VAV3: variants seen among roughly 807,000 people sequenced by gnomAD.
VAV3 encodes guanine nucleotide exchange factor VAV3.
A neutral mutation model predicts 131.2 loss-of-function variants in VAV3; 94 were observed. That is an observed-to-expected ratio of 0.72 (90% CI 0.61 to 0.85). VAV3 has a LOEUF of 0.85. VAV3 is among the 40% of genes least tolerant of loss of function. The pLI is 0.00. For synonymous variants in VAV3, 349 were observed against 342.0 expected (o/e 1.02, Z -0.22); for missense variants, 939 against 1,002.7 (o/e 0.94, Z 0.86).
rs530029913 is a variant in VAV3, at chr1:107,792,224, AT to A, written c.322-12733del. ...CACACTGCTAAAGCAAGTGTTGAGT[AT>A]TTTTTTTCTTACATTTTGCCAAAAT... On this transcript the variant is annotated intron_variant, in intron 2 of 26. Transcript: ENST00000370056. Among the ~76,000 whole-genome samples the A allele has an allele frequency of 2.0e-3, 297 of 152,196 alleles. 3 individuals are homozygous for A. Among genetic ancestry groups the A allele is most frequent in the African/African-American group, 6.7e-3 (277 of 41,532 alleles).
chr1:107,924,979 C>T (rs1028841805), intron 1 of VAV3, among the ~76,000 whole-genome samples: 3 of 151,998 alleles, frequency 2.0e-5, no homozygotes, highest in Non-Finnish European at 2.9e-5. Context: ...ATGGTCAAGG[C>T]AGTATATTTG....
intron 2 of VAV3, among the ~76,000 whole-genome samples, chr1:107,819,709 C>T (rs943754667): frequency 2.0e-5 from 3 of 151,984 alleles, no homozygotes; most frequent in Non-Finnish European, 2.9e-5. Context: ...AAAATATATA[C>T]ACCGCCAAAT....
In VAV3 at chr1:107,592,056, C is replaced by CGTGTGT. The variant is rs35290300; in HGVS notation, c.2350+4150_2350+4155dup. 1.7e-3 allele frequency among the ~76,000 whole-genome samples: 260 copies of CGTGTGT among 148,794 alleles called. 1 individual carries two copies. The highest frequency in any genetic ancestry group is 0.012 in the Admixed American group (177 of 14,938). On this transcript the variant is annotated intron_variant, in intron 25 of 26. Transcript: ENST00000370056. Reference sequence around the variant, plus strand: ...ATACACACACACATATATATACATACGTGTGTGTGTGTGTGTGTGTGTATG... The same window carrying CGTGTGT: ...ATACACACACACATATATATACATACGTGTGTGTGTGTGTGTGTGTGTGTGTGTATG...
chr1:107,850,993 T>G (rs1669192629), intron 2 of VAV3, among the ~76,000 whole-genome samples: 1 of 151,506 alleles, frequency 6.6e-6, no homozygotes, highest in Non-Finnish European at 1.5e-5. Context: ...GAATTCTAGG[T>G]GGCAATAAGC....
intron 14 of VAV3, among the ~76,000 whole-genome samples, 178 bp downstream of exon 14, chr1:107,749,284 G>T (rs931165341): frequency 6.6e-6 from 1 of 152,126 alleles, no homozygotes; most frequent in East Asian, 1.9e-4. Flanking sequence ...CATTAGAAAT[G>T]ATCAGATCTG....
intron 15 of VAV3, among the ~76,000 whole-genome samples, chr1:107,743,580 G>A (rs1663149472): frequency 6.6e-6 from 1 of 152,150 alleles, no homozygotes; most frequent in Non-Finnish European, 1.5e-5. Context: ...CTCCCTCATT[G>A]TTATTTGCCC....
At chr1:107,658,430 G>A (rs574812464) in intron 19 of VAV3, among the ~76,000 whole-genome samples, 287 of 152,254 alleles carry the variant, frequency 1.9e-3, no homozygotes, top group Non-Finnish European at 3.1e-3. Context: ...TGTCTTTATA[G>A]CAGCATGATT....
chr1:107,853,519 C>T (rs1373128088), intron 2 of VAV3, among the ~76,000 whole-genome samples: 1 of 151,912 alleles, frequency 6.6e-6, no homozygotes, highest in Non-Finnish European at 1.5e-5. Context: ...AAATGTATCA[C>T]CTTCTGTACA....
chr1:107,753,133 A>G (rs1663838963), intron 12 of VAV3, among the ~76,000 whole-genome samples: 1 of 152,172 alleles, frequency 6.6e-6, no homozygotes, highest in African/African-American at 2.4e-5. Context: ...GAAATCAAAA[A>G]AATAAAATGT....
chr1:107,608,629 C>T (rs895654230), intron 22 of VAV3, among the ~76,000 whole-genome samples: 2 of 152,270 alleles, frequency 1.3e-5, no homozygotes, highest in East Asian at 1.9e-4. Context: ...GAAGGGTAGA[C>T]AGTAACTACA....
At chr1:107,675,285 C>A (rs1425655102) in intron 19 of VAV3, among the ~76,000 whole-genome samples, 1 of 152,156 alleles carries the variant, frequency 6.6e-6, no homozygotes, top group Non-Finnish European at 1.5e-5. Context: ...TTAGTATGTG[C>A]TAAACTTGGT....
At chr1:107,591,812 A>G (rs935443140) in intron 25 of VAV3, among the ~76,000 whole-genome samples, 1 of 152,166 alleles carries the variant, frequency 6.6e-6, no homozygotes, top group African/African-American at 2.4e-5. Flanking sequence ...TTGCAGACAT[A>G]ATGCCCCTTA....
chr1:107,848,180 G>A (rs576064018), intron 2 of VAV3, among the ~76,000 whole-genome samples: 59 of 152,158 alleles, frequency 3.9e-4, no homozygotes, highest in African/African-American at 1.3e-3. Flanking sequence ...GGGCATGGTG[G>A]CAGGTGCCTG....
chr1:107,757,435 A>G lies in VAV3; in HGVS notation c.1018-106T>C, dbSNP rs903015825. 4 of 986,574 alleles carry G rather than the reference A, an allele frequency of 4.1e-6. No homozygotes were observed. The African/African-American group carries it at 6.6e-5, about 16-fold the overall frequency. The allele number at this position is 986,574 out of a possible 1,614,324, so 61.1% of individuals were successfully genotyped here. A position where few individuals can be genotyped will look rare whatever the true frequency, so the allele number is the denominator to read the frequency against. ...CCATTATTATTGGTTTTCTCTCTAT[A>G]ATGTGATAAATCTAATATGTCTGGG... On this transcript the variant is annotated intron_variant, in intron 10 of 26. Coordinates refer to ENST00000370056, the MANE Select transcript of VAV3 (RefSeq NM_006113.5).
intron 1 of VAV3, among the ~76,000 whole-genome samples, chr1:107,945,893 T>C (rs891648253): frequency 6.1e-5 from 9 of 148,674 alleles, no homozygotes; most frequent in Non-Finnish European, 1.2e-4. Flanking sequence ...ATAAGATGTA[T>C]ACAAGGGGTA....
At chr1:107,912,476 G>A (rs1244574562) in intron 1 of VAV3, among the ~76,000 whole-genome samples, 1 of 152,118 alleles carries the variant, frequency 6.6e-6, no homozygotes, top group Non-Finnish European at 1.5e-5. Context: ...AAAATTGTAA[G>A]AGTATTAAAG....
intron 19 of VAV3, among the ~76,000 whole-genome samples, chr1:107,646,332 T>G (rs1655734284): frequency 6.6e-6 from 1 of 152,018 alleles, no homozygotes; most frequent in Admixed American, 6.6e-5. Flanking sequence ...CAACAATTGT[T>G]TAGTTTCTCT....
chr1:107,704,667 G>A lies in VAV3; in HGVS notation c.1605-17C>T. ...AATGTTCCCCTGAAAGGTGAAATAA[G>A]AAAGTGGTATATTAAACGGTGCAAA... On this transcript the variant is annotated splice_polypyrimidine_tract_variant and intron_variant, in intron 16 of 26. Coordinates refer to ENST00000370056, the MANE Select transcript of VAV3 (RefSeq NM_006113.5). 1 of 1,595,432 alleles carries A rather than the reference G, an allele frequency of 6.3e-7. No homozygotes were observed. The highest frequency in any genetic ancestry group is 8.6e-7 in the Non-Finnish European group (1 of 1,165,056).
At chr1:107,943,304 A>C (rs1433938809) in intron 1 of VAV3, among the ~76,000 whole-genome samples, 1 of 152,198 alleles carries the variant, frequency 6.6e-6, no homozygotes, top group Non-Finnish European at 1.5e-5. Context: ...GAGGTTGGTC[A>C]TATCACAGGT....
Sources: allele counts gnomAD v4.1 joint callset (sites outside exome capture counted in the v4.1 genomes callset), GRCh38; gene constraint gnomAD v4.1.1; transcripts MANE v1.5; gene names NCBI Gene and HGNC (gene_info 2026-07-23, HGNC 2026-07-21).